PDE1C: variants seen among roughly 807,000 people sequenced by gnomAD.
The protein encoded by PDE1C is phosphodiesterase 1C.
PDE1C carries 62 observed loss-of-function variants against 93.1 expected under a neutral mutation model. That is an observed-to-expected ratio of 0.67 (90% CI 0.54 to 0.82). The LOEUF is 0.82. PDE1C is among the 40% of genes least tolerant of loss of function. The probability of loss-of-function intolerance (pLI) is 0.00; values close to 1 mark genes in which losing one functional copy is unlikely to be tolerated. For synonymous variants in PDE1C, 325 were observed against 310.1 expected (o/e 1.05, Z -0.50); for missense variants, 742 against 884.6 (o/e 0.84, Z 2.04).
chr7:32,272,247 C>A (rs7780377), intron 1 of PDE1C, among the ~76,000 whole-genome samples: 20,391 of 152,244 alleles, frequency 0.13, 1,530 homozygotes, highest in East Asian at 0.3. Flanking sequence ...AGTGGTAGCC[C>A]TTGCAACCCA....
At chr7:31,760,038 A>C (rs182632416) in intron 17 of PDE1C, among the ~76,000 whole-genome samples, 274 of 152,270 alleles carry the variant, frequency 1.8e-3, no homozygotes, top group African/African-American at 6.3e-3. Context: ...AGGATTATTT[A>C]TATTAGTCTA....
At chr7:31,984,677 A>G (rs530527688) in intron 2 of PDE1C, among the ~76,000 whole-genome samples, 3 of 152,362 alleles carry the variant, frequency 2.0e-5, no homozygotes, top group South Asian at 4.1e-4. Context: ...TCACCAGTCT[A>G]GATAGAGAAT....
chr7:32,080,153 G>C (rs1388365929), intron 3 of PDE1C, among the ~76,000 whole-genome samples: 1 of 152,146 alleles, frequency 6.6e-6, no homozygotes, highest in Non-Finnish European at 1.5e-5. Context: ...CAAGGGGAGA[G>C]TGGCCTGTGA....
chr7:32,032,659 C>T (rs747401223), intron 2 of PDE1C, among the ~76,000 whole-genome samples: 1 of 152,112 alleles, frequency 6.6e-6, no homozygotes, highest in African/African-American at 2.4e-5. Flanking sequence ...CTTATGGTCA[C>T]ATGCCGGGTC....
chr7:32,128,908 TATATATATATATATATATATATATA>T (rs1160563905), intron 3 of PDE1C, among the ~76,000 whole-genome samples: 8 of 11,110 alleles, frequency 7.2e-4, no homozygotes, highest in Admixed American at 4.9e-3. Flanking sequence ...GTATAACAAA[TATATATATATATATATATATATATA>T]TATATATATA....
chr7:31,718,814 G>A, the PDE1C span, among the ~76,000 whole-genome samples: 1 of 152,186 alleles, frequency 6.6e-6, no homozygotes, highest in Admixed American at 6.5e-5. Context: ...CCTAGCTGCT[G>A]CTAGGCACCC....
chr7:31,816,194 A>C (rs556650925), intron 14 of PDE1C, 40 bp from the exon 15 acceptor site: 4 of 1,579,920 alleles, frequency 2.5e-6, no homozygotes, highest in Non-Finnish European at 3.5e-6. Flanking sequence ...AGAAAAGAGA[A>C]AAAGAGGTCA....
At chr7:31,759,449 C>T (rs1794692383) in intron 17 of PDE1C, among the ~76,000 whole-genome samples, 1 of 152,166 alleles carries the variant, frequency 6.6e-6, no homozygotes, top group Non-Finnish European at 1.5e-5. Flanking sequence ...GGATCCCCAC[C>T]CCTGCCACAA....
chr7:31,663,160 C>G, the PDE1C span, among the ~76,000 whole-genome samples: 9 of 152,146 alleles, frequency 5.9e-5, no homozygotes, highest in Non-Finnish European at 1.2e-4. Context: ...GGCTCCTTTT[C>G]CTGGCTCTGG....
chr7:32,129,332 CAT>C (rs1799789828), intron 3 of PDE1C, among the ~76,000 whole-genome samples: 2 of 148,254 alleles, frequency 1.3e-5, no homozygotes, highest in Admixed American at 1.3e-4. Flanking sequence ...TTTGAGAAAA[CAT>C]ACACAAATAG....
At chr7:31,675,695 A>T in the PDE1C span, among the ~76,000 whole-genome samples, 1 of 151,404 alleles carries the variant, frequency 6.6e-6, no homozygotes, top group African/African-American at 2.4e-5. Flanking sequence ...TTTAATAAAT[A>T]TAATAAATAA....
At chr7:31,964,462 C>T (rs960909738) in intron 2 of PDE1C, among the ~76,000 whole-genome samples, 18 of 152,232 alleles carry the variant, frequency 1.2e-4, no homozygotes, top group African/African-American at 4.3e-4. Context: ...AGCTGGGAAG[C>T]TCAAACTGGG....
the PDE1C span, among the ~76,000 whole-genome samples, chr7:31,711,125 T>C: frequency 6.6e-6 from 1 of 152,206 alleles, no homozygotes; most frequent in Non-Finnish European, 1.5e-5. Flanking sequence ...ACAATTTTGC[T>C]TATCCTGGAA....
chr7:31,755,757 A>T (rs1244424830), intron 17 of PDE1C, among the ~76,000 whole-genome samples: 1 of 152,240 alleles, frequency 6.6e-6, no homozygotes, highest in African/African-American at 2.4e-5. Context: ...TAAATAAATG[A>T]TTGAATAAAT....
intron 2 of PDE1C, among the ~76,000 whole-genome samples, chr7:31,950,442 C>A (rs991706679): frequency 2.0e-5 from 3 of 152,134 alleles, no homozygotes; most frequent in Non-Finnish European, 4.4e-5. Flanking sequence ...TCTCATGGCA[C>A]CCCAATTTCC....
At chr7:32,381,036 G>A (rs11767011) in intron 1 of PDE1C, among the ~76,000 whole-genome samples, 8,607 of 151,730 alleles carry the variant, frequency 0.057, 288 homozygotes, top group Non-Finnish European at 0.073. Context: ...CCCCCTCAGT[G>A]CCTTCCTCTC....
chr7:31,711,640 T>C, the PDE1C span, among the ~76,000 whole-genome samples: 97 of 152,348 alleles, frequency 6.4e-4, 1 homozygote, highest in African/African-American at 2.1e-3. Context: ...AGTATATTAA[T>C]AAATATGTTC....
At chr7:31,794,635 C>A (rs1369953861) in intron 16 of PDE1C, among the ~76,000 whole-genome samples, 1 of 151,946 alleles carries the variant, frequency 6.6e-6, no homozygotes, top group Non-Finnish European at 1.5e-5. Flanking sequence ...GCCCCCAATG[C>A]CTGGCCCACT....
intron 1 of PDE1C, among the ~76,000 whole-genome samples, chr7:32,330,330 A>G (rs1783489846): frequency 6.6e-6 from 1 of 152,234 alleles, no homozygotes; most frequent in African/African-American, 2.4e-5. Flanking sequence ...CTATGCTGGT[A>G]AGTTTTGCCT....
Sources: allele counts gnomAD v4.1 joint callset (sites outside exome capture counted in the v4.1 genomes callset), GRCh38; gene constraint gnomAD v4.1.1; transcripts MANE v1.5; gene names NCBI Gene and HGNC (gene_info 2026-07-23, HGNC 2026-07-21).